The following GK5 variants were observed in gnomAD, a reference collection of about 807,000 sequenced individuals.
The protein encoded by GK5 is glycerol kinase 5, also known as ATP:glycerol 3-phosphotransferase 5.
GK5 carries 39 observed loss-of-function variants against 77.3 expected under a neutral mutation model. That is an observed-to-expected ratio of 0.50 (90% CI 0.39 to 0.66). The LOEUF (loss-of-function observed/expected upper bound fraction) is 0.66. Among genes scored for constraint, GK5 ranks in the 30% least tolerant of loss-of-function variants. The pLI, the probability that GK5 is intolerant of heterozygous loss-of-function variation, is 0.00. For missense variants in GK5, 487 were observed against 633.8 expected, an observed-to-expected ratio of 0.77 and a Z score of 2.49; for synonymous variants, 211 against 208.0, an observed-to-expected ratio of 1.01 and a Z score of -0.13.
chr3:142,185,066 C>A, intron 9 of GK5: 4 of 985,396 alleles, frequency 4.1e-6, no homozygotes, highest in Non-Finnish European at 4.8e-6. Context: ...GTGGTCTCTA[C>A]CTCCTGCTTA....
At chr3:142,189,430 G>C (rs1299570951) in intron 5 of GK5, among the ~76,000 whole-genome samples, 1 of 152,138 alleles carries the variant, frequency 6.6e-6, no homozygotes, top group African/African-American at 2.4e-5. Context: ...GCGCCTTCAA[G>C]TATTCTTATA....
intron 1 of GK5, among the ~76,000 whole-genome samples, chr3:142,223,817 G>A (rs1345239722): frequency 6.6e-6 from 1 of 152,158 alleles, no homozygotes; most frequent in Non-Finnish European, 1.5e-5. Flanking sequence ...CAGCCTGGGT[G>A]ACAGAGCGAG....
At position 142,160,533 on chromosome 3, in the gene GK5, C is replaced by T. The variant is rs968010553; in HGVS notation, c.*5089G>A. ...TACAGGAGGGGCTATTTATGAAGTTCCTTCCCTATAGCACCAGAGTGTTTC... is the reference window on the plus strand; with the variant it reads ...TACAGGAGGGGCTATTTATGAAGTTTCTTCCCTATAGCACCAGAGTGTTTC... On this transcript the variant is annotated 3_prime_UTR_variant, in exon 16 of 16. Transcript: ENST00000392993. 1 of 152,132 alleles carries T rather than the reference C, an allele frequency of 6.6e-6. No homozygotes were observed. Among genetic ancestry groups the T allele is most frequent in the African/African-American group, 2.4e-5 (1 of 41,422 alleles). The allele number at this position is 152,132 out of a possible 1,614,324, so 9.4% of individuals were successfully genotyped here.
intron 15 of GK5, among the ~76,000 whole-genome samples, chr3:142,166,540 CT>C (rs531387504): frequency 4.3e-4 from 64 of 147,596 alleles, no homozygotes; most frequent in South Asian, 6.4e-4. Context: ...AGCAAGAGAA[CT>C]TTTTTTTTTT....
chr3:142,165,665 G>A lies in GK5; in HGVS notation c.1547C>T (p.Ala516Val), dbSNP rs755224057. 1 of 1,612,550 alleles carries A rather than the reference G, an allele frequency of 6.2e-7. No individual in the cohort carries two copies. Among genetic ancestry groups the A allele is most frequent in the Non-Finnish European group, 8.5e-7 (1 of 1,179,372 alleles). ...ATTCATGGAGCGTTTCACTGCTTTG[G>A]CCCAGTTTTCCAGACTCATTTCATA... The part of the protein sequence containing the change: ...QEYEMSLENW[A>V]KAVKRSMNWY... Residue 516 changes from alanine to valine, a missense_variant, in exon 16 of 16, where the codon GCC (alanine) becomes GTC (valine). Coordinates refer to ENST00000392993, the MANE Select transcript of GK5 (RefSeq NM_001039547.3).
chr3:142,223,342 CTT>C (rs1231244042), intron 1 of GK5, among the ~76,000 whole-genome samples: 1 of 152,210 alleles, frequency 6.6e-6, no homozygotes, highest in Non-Finnish European at 1.5e-5. Flanking sequence ...ATAAGGGAGA[CTT>C]TAAAAAGTAT....
At chr3:142,193,030 C>T (rs1293627981) in intron 5 of GK5, among the ~76,000 whole-genome samples, 1 of 151,970 alleles carries the variant, frequency 6.6e-6, no homozygotes, top group Non-Finnish European at 1.5e-5. Flanking sequence ...AGGTGAAGGA[C>T]AGGGGATTTT....
intron 12 of GK5, among the ~76,000 whole-genome samples, chr3:142,177,107 T>C (rs1385663209): frequency 1.3e-5 from 2 of 152,226 alleles, no homozygotes; most frequent in Admixed American, 1.3e-4. Flanking sequence ...TTCCTCTAAG[T>C]AAAGAATGCA....
chr3:142,200,379 G>C (rs755022581), intron 4 of GK5, among the ~76,000 whole-genome samples: 1 of 152,044 alleles, frequency 6.6e-6, no homozygotes, highest in Non-Finnish European at 1.5e-5. Context: ...TGTTGGCCAG[G>C]CTGGTCTCGA....
chr3:142,210,437 C>G (rs1418770407), intron 3 of GK5, among the ~76,000 whole-genome samples: 1 of 152,102 alleles, frequency 6.6e-6, no homozygotes, highest in Non-Finnish European at 1.5e-5. Context: ...TGCTAGGGCT[C>G]TTGTGGAATC....
rs1369477432 is a variant in GK5, at chr3:142,161,182, C to T, written c.*4440G>A. ...TGGCGCGATCTCGGCTCAACCGCAA[C>T]CTCTGCCTCAGGGGTTCAAGCGGTT... On this transcript the variant is annotated 3_prime_UTR_variant, in exon 16 of 16. Transcript: ENST00000392993. 2 of 152,102 alleles carry T rather than the reference C, an allele frequency of 1.3e-5. No homozygotes were observed. The highest frequency in any genetic ancestry group is 4.8e-5 in the African/African-American group (2 of 41,278). The allele number at this position is 152,102 out of a possible 1,614,324, so 9.4% of individuals were successfully genotyped here.
chr3:142,208,150 A>G (rs1377569501), intron 3 of GK5, among the ~76,000 whole-genome samples: 2 of 152,216 alleles, frequency 1.3e-5, no homozygotes, highest in African/African-American at 4.8e-5. Flanking sequence ...ATTGCACATT[A>G]TGTCAAATTA....
intron 1 of GK5, among the ~76,000 whole-genome samples, chr3:142,224,017 C>T (rs922718686): frequency 8.5e-5 from 13 of 152,110 alleles, no homozygotes; most frequent in African/African-American, 3.1e-4. Context: ...AGGGGGAATA[C>T]AGTGCTGCTG....
Position 142,225,375 on chromosome 3 carries a change from G to A in GK5, c.81C>T (p.Gly27=), listed in dbSNP as rs750758923. 1 of 1,590,374 alleles carries A rather than the reference G, an allele frequency of 6.3e-7. No homozygotes were observed. The highest frequency in any genetic ancestry group is 2.3e-5 in the East Asian group (1 of 43,808). ...YPGFVLGLDV[G]SSVIRCHVYD... ...AGACGTGGCAGCGGATCACAGAACT[G>A]CCCACATCCAGCCCCAGCACGAAGC... is the stretch of plus-strand genomic sequence containing the variant. The change falls in exon 1 of 16, where the codon GGC becomes GGT. Residue 27 remains glycine, a synonymous_variant. Coordinates refer to ENST00000392993, the MANE Select transcript of GK5 (RefSeq NM_001039547.3).
intron 5 of GK5, among the ~76,000 whole-genome samples, chr3:142,195,450 C>G (rs1017670823): frequency 2.0e-5 from 3 of 151,830 alleles, no homozygotes; most frequent in African/African-American, 7.3e-5. Context: ...CTCAAGCAAT[C>G]CTCCCACCCC....
intron 1 of GK5, among the ~76,000 whole-genome samples, chr3:142,216,502 G>A (rs1276435929): frequency 6.6e-6 from 1 of 151,792 alleles, no homozygotes; most frequent in Non-Finnish European, 1.5e-5. Flanking sequence ...TCAGATGAGC[G>A]GTGATCCCAA....
At chr3:142,172,120 T>C (rs1300075355) in intron 13 of GK5, among the ~76,000 whole-genome samples, 1 of 152,090 alleles carries the variant, frequency 6.6e-6, no homozygotes. Flanking sequence ...AAAAAAATCC[T>C]TCAATTTTCA....
In GK5 at chr3:142,215,579, A is replaced by T; in HGVS notation, c.241+20T>A. 2 of 1,286,348 alleles carry T rather than the reference A, an allele frequency of 1.6e-6. No individual in the cohort carries two copies. Among genetic ancestry groups the T allele is most frequent in the Non-Finnish European group, 2.2e-6 (2 of 907,800 alleles). The allele number at this position is 1,286,348 out of a possible 1,614,324, so 79.7% of individuals were successfully genotyped here. A position where few individuals can be genotyped will look rare whatever the true frequency, so the allele number is the denominator to read the frequency against. On this transcript the variant is annotated intron_variant, in intron 2 of 15. Coordinates refer to ENST00000392993, the MANE Select transcript of GK5 (RefSeq NM_001039547.3). ...AAAAAAAACCATAAAGATTATTGTT[A>T]TTTTTATAAATCCAATTACCTTTGA...
At chr3:142,199,532 G>A (rs1324432064) in intron 4 of GK5, among the ~76,000 whole-genome samples, 2 of 152,038 alleles carry the variant, frequency 1.3e-5, no homozygotes, top group Admixed American at 6.5e-5. Context: ...ACTAGACAAC[G>A]AAGGATGAGC....
Sources: gnomAD v4.1 joint callset for allele counts (sites outside exome capture counted in the v4.1 genomes callset) on GRCh38, gnomAD v4.1.1 for gene constraint, MANE v1.5 for transcripts, NCBI Gene and HGNC (gene_info 2026-07-23, HGNC 2026-07-21) for gene names.